MAPK10: variants seen among roughly 807,000 people sequenced by gnomAD.
MAPK10 encodes JNK3 alpha protein kinase.
Under a neutral mutation model 59.3 loss-of-function variants are expected in MAPK10, and 25 were observed. The observed-to-expected ratio is 0.42, with a 90% CI of 0.31 to 0.59. The LOEUF (loss-of-function observed/expected upper bound fraction) is 0.59, where lower values mean the gene tolerates loss of function less well. MAPK10 is among the 20% of genes least tolerant of loss of function. The pLI, the probability that MAPK10 is intolerant of heterozygous loss-of-function variation, is 0.15. For synonymous variants in MAPK10, 190 were observed against 200.5 expected (o/e 0.95, Z 0.44); for missense variants, 351 against 568.9 (o/e 0.62, Z 3.90).
chr4:86,207,613 A>G (rs893388157), intron 2 of MAPK10, among the ~76,000 whole-genome samples: 41 of 152,258 alleles, frequency 2.7e-4, no homozygotes, highest in Admixed American at 1.2e-3. Context: ...TGGGGATGGC[A>G]TTGAATCTGT....
intron 1 of MAPK10, among the ~76,000 whole-genome samples, chr4:86,543,848 G>A (rs1030128406): frequency 4.6e-5 from 7 of 152,068 alleles, no homozygotes; most frequent in Non-Finnish European, 8.8e-5. Context: ...AAGGAGAACA[G>A]AAAACACTGG....
chr4:86,574,977 T>C (rs1156694628), intron 1 of MAPK10, among the ~76,000 whole-genome samples: 2 of 152,210 alleles, frequency 1.3e-5, no homozygotes, highest in Non-Finnish European at 2.9e-5. Flanking sequence ...CATGTGTCTA[T>C]GAGGATGTAT....
chr4:86,225,335 A>G (rs2090422243), intron 2 of MAPK10, among the ~76,000 whole-genome samples: 1 of 152,186 alleles, frequency 6.6e-6, no homozygotes, highest in African/African-American at 2.4e-5. Flanking sequence ...GGGTGCCTAC[A>G]TGACTAGCCA....
intron 1 of MAPK10, among the ~76,000 whole-genome samples, chr4:86,518,349 G>A (rs2149086554): frequency 6.6e-6 from 1 of 152,236 alleles, no homozygotes; most frequent in African/African-American, 2.4e-5. Flanking sequence ...TAGGAGGTTT[G>A]TATATTTCCG....
In MAPK10 at chr4:86,314,841, A is replaced by G. The variant is rs142293526; in HGVS notation, c.-7+39689T>C. Among the ~76,000 whole-genome samples the G allele has an allele frequency of 4.3e-3, 652 of 152,256 alleles. 5 individuals are homozygous for G. Among genetic ancestry groups the G allele is most frequent in the African/African-American group, 0.015 (618 of 41,556 alleles). On this transcript the variant is annotated intron_variant, in intron 2 of 13. Transcript: ENST00000641462. ...ATATGCATAACAAACTTAAGATCAT[A>G]TTACACACACAATCTTCTATTTCTT...
chr4:86,473,367 A>G (rs953862536), intron 1 of MAPK10, among the ~76,000 whole-genome samples: 14 of 152,216 alleles, frequency 9.2e-5, no homozygotes, highest in Admixed American at 9.2e-4. Context: ...TGAATGACCT[A>G]CTGTGAAGGT....
chr4:86,238,987 A>G (rs2092503551), intron 2 of MAPK10, among the ~76,000 whole-genome samples: 1 of 152,208 alleles, frequency 6.6e-6, no homozygotes, highest in Non-Finnish European at 1.5e-5. Flanking sequence ...TGGGTTTGTC[A>G]TAAATAGCTC....
intron 2 of MAPK10, among the ~76,000 whole-genome samples, chr4:86,294,864 G>C (rs2095317246): frequency 6.6e-6 from 1 of 152,192 alleles, no homozygotes; most frequent in African/African-American, 2.4e-5. Context: ...GTACTGATCA[G>C]CACAGGCCTG....
intron 9 of MAPK10, among the ~76,000 whole-genome samples, chr4:86,078,994 C>A (rs966217312): frequency 5.9e-5 from 9 of 151,546 alleles, no homozygotes; most frequent in Admixed American, 5.9e-4. Flanking sequence ...TGTCCCCCAC[C>A]CCCCCAAAAA....
At chr4:86,231,959 T>C (rs927611733) in intron 2 of MAPK10, among the ~76,000 whole-genome samples, 7 of 152,206 alleles carry the variant, frequency 4.6e-5, no homozygotes, top group African/African-American at 1.7e-4. Flanking sequence ...AGTAGCCTTA[T>C]ATTACAGAAG....
chr4:86,324,995 T>C (rs1041126577), intron 2 of MAPK10, among the ~76,000 whole-genome samples: 1 of 152,218 alleles, frequency 6.6e-6, no homozygotes, highest in Non-Finnish European at 1.5e-5. Context: ...GACTTCTAAA[T>C]TGCCTACTGT....
exon 1 of MAPK10, chr4:86,594,053 T>C (rs1330181713): frequency 6.6e-6 from 1 of 152,228 alleles, no homozygotes; most frequent in Non-Finnish European, 1.5e-5. Context: ...TGCCGCTCGG[T>C]CACCAACCTG....
intron 1 of MAPK10, among the ~76,000 whole-genome samples, chr4:86,424,155 A>G (rs1276191286): frequency 5.3e-5 from 8 of 152,108 alleles, no homozygotes; most frequent in Admixed American, 3.3e-4. Flanking sequence ...ACTCCAGTTC[A>G]GACCGACTTC....
intron 1 of MAPK10, among the ~76,000 whole-genome samples, chr4:86,370,050 C>G (rs1411373548): frequency 1.3e-5 from 2 of 152,108 alleles, no homozygotes; most frequent in Non-Finnish European, 2.9e-5. Flanking sequence ...GAGATGTAAC[C>G]CACACTTAGA....
intron 1 of MAPK10, among the ~76,000 whole-genome samples, chr4:86,545,284 T>C (rs1385504110): frequency 6.6e-6 from 1 of 152,196 alleles, no homozygotes. Flanking sequence ...AATGAGCGCA[T>C]GAAAAAATGT....
chr4:86,038,473 G>C (rs1477602215), intron 11 of MAPK10, among the ~76,000 whole-genome samples: 3 of 152,238 alleles, frequency 2.0e-5, no homozygotes, highest in Non-Finnish European at 4.4e-5. Flanking sequence ...TACAAAATTA[G>C]ATAGAACAGG....
At chr4:86,397,445 A>C (rs1393955108) in intron 1 of MAPK10, among the ~76,000 whole-genome samples, 2 of 152,202 alleles carry the variant, frequency 1.3e-5, no homozygotes, top group Admixed American at 1.3e-4. Context: ...TATTTCATGT[A>C]GTATTGCCAA....
intron 1 of MAPK10, among the ~76,000 whole-genome samples, chr4:86,475,286 C>T (rs146460356): frequency 0.086 from 13,045 of 152,194 alleles, 764 homozygotes; most frequent in East Asian, 0.24. Flanking sequence ...CCCCTGTCCT[C>T]CTGCTCTTTG....
intron 1 of MAPK10, among the ~76,000 whole-genome samples, chr4:86,504,288 G>T (rs1755555531): frequency 6.6e-6 from 1 of 152,076 alleles, no homozygotes; most frequent in Non-Finnish European, 1.5e-5. Context: ...GAGTCTCACA[G>T]AATGAACCTC....
Sources: gnomAD v4.1 joint callset for allele counts (sites outside exome capture counted in the v4.1 genomes callset) on GRCh38, gnomAD v4.1.1 for gene constraint, MANE v1.5 for transcripts, NCBI Gene and HGNC (gene_info 2026-07-23, HGNC 2026-07-21) for gene names.